Variants in CTNNA2 observed in about 807,000 individuals in gnomAD.
CTNNA2 encodes the protein catenin alpha 2.
A neutral mutation model predicts 101.0 loss-of-function variants in CTNNA2; 42 were observed. That is an observed-to-expected ratio of 0.42 (90% CI 0.32 to 0.54). The LOEUF (loss-of-function observed/expected upper bound fraction) is 0.54, where lower values mean the gene tolerates loss of function less well. CTNNA2 is among the 20% of genes least tolerant of loss of function. The probability of loss-of-function intolerance (pLI) is 0.14; values close to 1 mark genes in which losing one functional copy is unlikely to be tolerated. For synonymous variants in CTNNA2, 450 were observed against 456.4 expected (o/e 0.99, Z 0.18); for missense variants, 871 against 1,223.1 (o/e 0.71, Z 4.29).
intron 4 of CTNNA2, among the ~76,000 whole-genome samples, chr2:79,413,169 C>G (rs546457481): frequency 2.0e-5 from 3 of 151,870 alleles, no homozygotes; most frequent in African/African-American, 7.2e-5. Context: ...TGCTTTTTTG[C>G]AGGGGTGGCT....
At chr2:79,856,090 T>G (rs915585771) in intron 3 of CTNNA2, among the ~76,000 whole-genome samples, 2 of 152,224 alleles carry the variant, frequency 1.3e-5, no homozygotes, top group Non-Finnish European at 2.9e-5. Context: ...ACTAGAGTAG[T>G]GAATTTTTAA....
intron 7 of CTNNA2, among the ~76,000 whole-genome samples, chr2:80,310,533 C>T (rs1046227003): frequency 4.6e-5 from 7 of 152,124 alleles, no homozygotes; most frequent in African/African-American, 9.7e-5. Context: ...TTCACACATA[C>T]AATTTTGGAA....
intron 1 of CTNNA2, among the ~76,000 whole-genome samples, chr2:79,189,750 G>A (rs1415916232): frequency 6.6e-6 from 1 of 152,156 alleles, no homozygotes; most frequent in Admixed American, 6.6e-5. Flanking sequence ...TTGGGATATA[G>A]GGGCCATTTC....
chr2:79,223,083 C>T (rs1674365674), intron 2 of CTNNA2, among the ~76,000 whole-genome samples: 1 of 152,100 alleles, frequency 6.6e-6, no homozygotes, highest in African/African-American at 2.4e-5. Context: ...CTGCTTGAGC[C>T]CAGGAGTTTT....
chr2:80,421,711 T>C (rs1680538548), intron 9 of CTNNA2, among the ~76,000 whole-genome samples: 1 of 151,782 alleles, frequency 6.6e-6, no homozygotes, highest in Non-Finnish European at 1.5e-5. Flanking sequence ...AGCATTTTAA[T>C]GTCTTGATGC....
chr2:80,553,074 A>AT (rs1280990543), intron 11 of CTNNA2, among the ~76,000 whole-genome samples: 1 of 151,296 alleles, frequency 6.6e-6, no homozygotes, highest in South Asian at 2.1e-4. Context: ...AAAAAAAAAA[A>AT]AAATCCAGGT....
intron 7 of CTNNA2, among the ~76,000 whole-genome samples, chr2:80,046,035 A>G (rs1170374633): frequency 1.3e-5 from 2 of 152,204 alleles, no homozygotes; most frequent in African/African-American, 4.8e-5. Context: ...AGTTCCGCAA[A>G]GGCCAGTGTC....
At chr2:79,890,353 G>A (rs914668519) in intron 6 of CTNNA2, among the ~76,000 whole-genome samples, 1 of 152,138 alleles carries the variant, frequency 6.6e-6, no homozygotes, top group Admixed American at 6.6e-5. Flanking sequence ...GAATGTGCAT[G>A]GTATGCAAAT....
chr2:79,688,432 A>T (rs1280832237), intron 2 of CTNNA2, among the ~76,000 whole-genome samples: 1 of 152,030 alleles, frequency 6.6e-6, no homozygotes, highest in Non-Finnish European at 1.5e-5. Context: ...CATAATTAAA[A>T]ACAAATCAAA....
At chr2:79,812,333 T>G (rs1299560027) in intron 3 of CTNNA2, among the ~76,000 whole-genome samples, 1 of 152,182 alleles carries the variant, frequency 6.6e-6, no homozygotes, top group African/African-American at 2.4e-5. Context: ...GAGACAGCAT[T>G]CAGTCTTTTG....
intron 2 of CTNNA2, among the ~76,000 whole-genome samples, chr2:79,261,235 T>C (rs1573003783): frequency 6.6e-6 from 1 of 152,150 alleles, no homozygotes; most frequent in East Asian, 1.9e-4. Context: ...ACTCCCAGTC[T>C]CACCAACACT....
chr2:79,744,371 C>G lies in CTNNA2; in HGVS notation c.103-16C>G. 1 of 1,577,202 alleles carries G rather than the reference C, an allele frequency of 6.3e-7. No homozygotes were observed. The highest frequency in any genetic ancestry group is 8.6e-7 in the Non-Finnish European group (1 of 1,165,998). Reference sequence around the variant, plus strand: ...GTTTTGCAAAGAAGTTTTACAGTTTCTCTTTTATATTTAAGGTGACTACAC... The same window carrying G: ...GTTTTGCAAAGAAGTTTTACAGTTTGTCTTTTATATTTAAGGTGACTACAC... On this transcript the variant is annotated splice_polypyrimidine_tract_variant and intron_variant, in intron 2 of 18. Transcript: ENST00000402739.
chr2:79,690,786 A>G (rs537416164), intron 2 of CTNNA2, among the ~76,000 whole-genome samples: 2 of 152,090 alleles, frequency 1.3e-5, no homozygotes, highest in South Asian at 4.1e-4. Context: ...CCTGCATTTT[A>G]TATCATCATC....
intron 4 of CTNNA2, among the ~76,000 whole-genome samples, chr2:79,484,984 A>C (rs904157014): frequency 1.3e-5 from 2 of 152,206 alleles, no homozygotes; most frequent in Non-Finnish European, 2.9e-5. Context: ...TTTCCAGAAC[A>C]TACTACATTG....
intron 7 of CTNNA2, among the ~76,000 whole-genome samples, chr2:80,272,437 C>A (rs1447432160): frequency 6.6e-6 from 1 of 152,152 alleles, no homozygotes; most frequent in Non-Finnish European, 1.5e-5. Flanking sequence ...TTATTTAAAT[C>A]TTTCTATGTT....
chr2:80,056,055 G>A (rs527292584), intron 7 of CTNNA2, among the ~76,000 whole-genome samples: 1 of 152,278 alleles, frequency 6.6e-6, no homozygotes, highest in South Asian at 2.1e-4. Flanking sequence ...TGTCATAGAA[G>A]TCTGGATGCA....
intron 18 of CTNNA2, among the ~76,000 whole-genome samples, chr2:80,627,300 C>T (rs1376829358): frequency 2.0e-5 from 3 of 152,294 alleles, no homozygotes; most frequent in Non-Finnish European, 4.4e-5. Context: ...ACACTGTCTT[C>T]CACAATGGTT....
At chr2:80,445,267 G>A (rs1435372199) in intron 9 of CTNNA2, among the ~76,000 whole-genome samples, 1 of 151,724 alleles carries the variant, frequency 6.6e-6, no homozygotes. Context: ...CTGCAGCCTC[G>A]ACCTCCCAGG....
intron 7 of CTNNA2, among the ~76,000 whole-genome samples, chr2:80,352,832 A>G (rs911404330): frequency 6.6e-6 from 1 of 152,126 alleles, no homozygotes; most frequent in African/African-American, 2.4e-5. Context: ...ATACCAGGCA[A>G]TGAAGATATT....
Sources: gnomAD v4.1 joint callset for allele counts (sites outside exome capture counted in the v4.1 genomes callset) on GRCh38, gnomAD v4.1.1 for gene constraint, MANE v1.5 for transcripts, NCBI Gene and HGNC (gene_info 2026-07-23, HGNC 2026-07-21) for gene names.